NRG3: variants seen among roughly 807,000 people sequenced by gnomAD.
The protein encoded by NRG3 is pro-neuregulin-3, membrane-bound isoform.
A neutral mutation model predicts 66.9 loss-of-function variants in NRG3; 31 were observed. The observed-to-expected ratio is 0.46, with a 90% confidence interval of 0.35 to 0.63. The LOEUF (loss-of-function observed/expected upper bound fraction) is 0.63. Ranked by LOEUF, NRG3 falls within the 20% of genes least tolerant of loss-of-function variation. NRG3 has a pLI of 0.00. For synonymous variants in NRG3, 393 were observed against 359.4 expected (o/e 1.09, Z -1.06); for missense variants, 910 against 878.9 (o/e 1.04, Z -0.45).
At chr10:82,027,271 G>A (rs978525007) in intron 1 of NRG3, among the ~76,000 whole-genome samples, 5 of 152,078 alleles carry the variant, frequency 3.3e-5, no homozygotes, top group African/African-American at 9.7e-5. Flanking sequence ...ATTACAGAAA[G>A]GTAAATGTCA....
Position 82,973,925 on chromosome 10 carries a change from G to C in NRG3, c.1412+10G>C, listed in dbSNP as rs1254617409. The C allele has an allele frequency of 1.9e-6, 3 of 1,613,640 alleles. No homozygotes were observed. The Admixed American group carries it at 5.0e-5, about 27-fold the overall frequency. On this transcript the variant is annotated intron_variant, in intron 7 of 8. Transcript: ENST00000372141. ...CTGTCAAACACCACAGGTACAAGTA[G>C]CTCATCATGGTGGGTGTGGGCACCT...
At chr10:82,676,549 T>A (rs2053697761) in intron 2 of NRG3, among the ~76,000 whole-genome samples, 1 of 152,114 alleles carries the variant, frequency 6.6e-6, no homozygotes, top group African/African-American at 2.4e-5. Context: ...AGTGGCACAA[T>A]CTTGGCTCAC....
chr10:82,939,795 T>G (rs1408620799), intron 4 of NRG3, among the ~76,000 whole-genome samples: 1 of 151,860 alleles, frequency 6.6e-6, no homozygotes, highest in Non-Finnish European at 1.5e-5. Flanking sequence ...AGTGTAGTAT[T>G]ATGCAGTTGA....
chr10:82,805,942 T>G (rs1015202288), intron 3 of NRG3, among the ~76,000 whole-genome samples: 1 of 152,216 alleles, frequency 6.6e-6, no homozygotes, highest in Non-Finnish European at 1.5e-5. Flanking sequence ...AAAATCTTTA[T>G]TTTCAAATTT....
At chr10:82,882,163 G>A (rs907965554) in intron 4 of NRG3, among the ~76,000 whole-genome samples, 4 of 152,042 alleles carry the variant, frequency 2.6e-5, no homozygotes, top group African/African-American at 7.2e-5. Flanking sequence ...CTAATACATC[G>A]TTCATGCAGA....
intron 8 of NRG3, among the ~76,000 whole-genome samples, chr10:82,984,220 C>T (rs559400838): frequency 1.3e-5 from 2 of 152,312 alleles, no homozygotes; most frequent in East Asian, 1.9e-4. Flanking sequence ...CATTTTCTGT[C>T]ATGGAACAGC....
chr10:82,783,363 T>C (rs1465359810), intron 3 of NRG3, among the ~76,000 whole-genome samples: 1 of 150,872 alleles, frequency 6.6e-6, no homozygotes, highest in Non-Finnish European at 1.5e-5. Flanking sequence ...CCAGGGCAAT[T>C]AGGCAGGAGA....
At chr10:82,140,435 T>C (rs2069683334) in intron 1 of NRG3, among the ~76,000 whole-genome samples, 1 of 152,240 alleles carries the variant, frequency 6.6e-6, no homozygotes. Flanking sequence ...ATCAATTGGC[T>C]GATATTTAAA....
At chr10:82,717,895 T>G (rs2057071583) in intron 2 of NRG3, among the ~76,000 whole-genome samples, 1 of 151,870 alleles carries the variant, frequency 6.6e-6, no homozygotes, top group African/African-American at 2.4e-5. Context: ...GTCCTTCCAT[T>G]TCCACTCACC....
At chr10:81,876,315 G>A (rs1841638088) in intron 1 of NRG3, 152 bp downstream of exon 1, 1 of 1,188,176 alleles carries the variant, frequency 8.4e-7, no homozygotes, top group African/African-American at 1.5e-5. Flanking sequence ...CTGGCCACCA[G>A]CGGGGAAGAA....
At chr10:82,118,672 T>C (rs186331386) in intron 1 of NRG3, among the ~76,000 whole-genome samples, 1,588 of 152,200 alleles carry the variant, frequency 0.01, 16 homozygotes, top group Non-Finnish European at 0.017. Flanking sequence ...CTGTCTCTTT[T>C]TTGCTTTTTT....
rs145064938 is a variant in NRG3, at chr10:82,922,460, C to A, written c.1055-29009C>A. ...TCTGTCTTTCAGGAGCAGGTTCTTG[C>A]ATCAGATCAATTTTGTGAACTGGTT... On this transcript the variant is annotated intron_variant, in intron 4 of 8. Transcript: ENST00000372141. Among the ~76,000 whole-genome samples the A allele has an allele frequency of 5.2e-3, 789 of 152,272 alleles. 10 individuals are homozygous for A. The highest frequency in any genetic ancestry group is 0.018 in the African/African-American group (746 of 41,560).
intron 1 of NRG3, among the ~76,000 whole-genome samples, chr10:82,018,366 T>C (rs113242039): frequency 3.3e-5 from 5 of 152,098 alleles, no homozygotes; most frequent in African/African-American, 4.8e-5. Flanking sequence ...AGTCAGGTAG[T>C]GTGATGCCTC....
In NRG3 at chr10:82,062,214, A is replaced by C. The variant is rs200100204; in HGVS notation, c.823+186051A>C. ...CCCAAGGTCCCTGAGAGCTCAGCATAGCTCATTTCTTTATTATCTGCCACA... is the reference window on the plus strand; with the variant it reads ...CCCAAGGTCCCTGAGAGCTCAGCATCGCTCATTTCTTTATTATCTGCCACA... On this transcript the variant is annotated intron_variant, in intron 1 of 8. Coordinates refer to ENST00000372141, the MANE Select transcript of NRG3 (RefSeq NM_001010848.4). Among the ~76,000 whole-genome samples, 27 of 152,262 alleles carry C rather than the reference A, an allele frequency of 1.8e-4. No homozygotes were observed. The East Asian group carries it at 5.2e-3, about 29-fold the overall frequency.
At chr10:81,964,607 G>A (rs1190534659) in intron 1 of NRG3, among the ~76,000 whole-genome samples, 2 of 152,104 alleles carry the variant, frequency 1.3e-5, no homozygotes, top group Non-Finnish European at 2.9e-5. Flanking sequence ...GGGTGAGTAT[G>A]TGACCCTGTG....
chr10:82,237,780 G>A (rs944556386), intron 1 of NRG3, among the ~76,000 whole-genome samples: 2 of 152,038 alleles, frequency 1.3e-5, no homozygotes, highest in African/African-American at 4.8e-5. Flanking sequence ...AATGAACAGA[G>A]GTTCTTACAT....
chr10:82,947,813 G>A (rs1391406672), intron 4 of NRG3, among the ~76,000 whole-genome samples: 1 of 151,990 alleles, frequency 6.6e-6, no homozygotes, highest in Non-Finnish European at 1.5e-5. Flanking sequence ...ATAAATTAAA[G>A]ATACAAGTCC....
intron 1 of NRG3, among the ~76,000 whole-genome samples, chr10:82,263,459 T>C (rs957812577): frequency 1.3e-5 from 2 of 152,232 alleles, no homozygotes; most frequent in East Asian, 1.9e-4. Flanking sequence ...CTTTAGCTAA[T>C]GGTTTTCTCT....
intron 2 of NRG3, among the ~76,000 whole-genome samples, chr10:82,416,594 T>G (rs2088597767): frequency 6.6e-6 from 1 of 152,214 alleles, no homozygotes; most frequent in Non-Finnish European, 1.5e-5. Flanking sequence ...TTCACTTGAC[T>G]GGGTTCTTTG....
Sources: gnomAD v4.1 joint callset for allele counts (sites outside exome capture counted in the v4.1 genomes callset) on GRCh38, gnomAD v4.1.1 for gene constraint, MANE v1.5 for transcripts, NCBI Gene and HGNC (gene_info 2026-07-23, HGNC 2026-07-21) for gene names.